Variants in EXT1 observed in about 807,000 individuals in gnomAD.
EXT1 encodes exostosin glycosyltransferase 1, also known as exostosin-1.
Under a neutral mutation model 82.5 loss-of-function variants are expected in EXT1, and 20 were observed. The observed-to-expected ratio is 0.24, with a 90% CI of 0.17 to 0.35. The LOEUF is 0.35. EXT1 is among the 10% of genes least tolerant of loss of function. The probability of loss-of-function intolerance (pLI) is 1.00; values close to 1 mark genes in which losing one functional copy is unlikely to be tolerated. For synonymous variants in EXT1, 348 were observed against 350.8 expected (o/e 0.99, Z 0.09); for missense variants, 757 against 936.5 (o/e 0.81, Z 2.50).
chr8:117,830,278 C>G lies in EXT1; in HGVS notation c.1236G>C (p.Trp412Cys). ...TCTCAACTGAAGAAAAATAAGCCTC[C>G]CACAAGAATTGTGTCTGCTGTCTAA... ...LALRQQTQFLWEAYFSSVEKI... is the reference protein window; with the variant it reads ...LALRQQTQFLCEAYFSSVEKI... The change falls in exon 4 of 11, where the codon TGG becomes TGC. Residue 412 changes from tryptophan to cysteine, a missense_variant. By Grantham distance (215) the Trp-to-Cys change is radical. This residue lies in a region of EXT1 where 207 missense variants were observed against 224.2 expected (regional missense o/e 0.92). Coordinates refer to ENST00000378204, the MANE Select transcript of EXT1 (RefSeq NM_000127.3). 6.2e-7 allele frequency: 1 copy of G among 1,614,038 alleles called. No individual in the cohort carries two copies. The highest frequency in any genetic ancestry group is 8.5e-7 in the Non-Finnish European group (1 of 1,179,980).
At position 117,835,578 on chromosome 8, in the gene EXT1, T is replaced by C. The variant is rs1267298151; in HGVS notation, c.1057-27A>G. The C allele has an allele frequency of 1.9e-6, 3 of 1,549,174 alleles. No homozygotes were observed. The African/African-American group carries it at 4.1e-5, about 21-fold the overall frequency. ...TGAGCAAAAAAGGGGACTTCGTGAA[T>C]GTGAGGAAAGCGACAGCAGAAGCTG... On this transcript the variant is annotated intron_variant, in intron 2 of 10. Coordinates refer to ENST00000378204, the MANE Select transcript of EXT1 (RefSeq NM_000127.3).
chr8:118,088,428 A>T (rs1817466244), intron 1 of EXT1, among the ~76,000 whole-genome samples: 1 of 151,884 alleles, frequency 6.6e-6, no homozygotes, highest in Admixed American at 6.6e-5. Context: ...GTTCAGACTT[A>T]ATCTGCAGCC....
intron 1 of EXT1, among the ~76,000 whole-genome samples, chr8:117,911,750 C>T (rs1813652159): frequency 6.6e-6 from 1 of 152,242 alleles, no homozygotes; most frequent in Admixed American, 6.5e-5. Flanking sequence ...CCTCATCTTT[C>T]ACTTTGAACT....
intron 1 of EXT1, among the ~76,000 whole-genome samples, chr8:117,931,005 G>C (rs1000488247): frequency 6.6e-6 from 1 of 152,174 alleles, no homozygotes; most frequent in African/African-American, 2.4e-5. Flanking sequence ...ATGCCAAGAC[G>C]TTATCTTATA....
chr8:118,018,399 CA>C (rs974757631), intron 1 of EXT1, among the ~76,000 whole-genome samples: 3 of 152,074 alleles, frequency 2.0e-5, no homozygotes, highest in Non-Finnish European at 4.4e-5. Context: ...CCAGAAACAC[CA>C]AAGATTGCCA....
intron 1 of EXT1, among the ~76,000 whole-genome samples, chr8:117,964,980 G>C (rs1290461870): frequency 6.6e-6 from 1 of 152,086 alleles, no homozygotes; most frequent in Non-Finnish European, 1.5e-5. Flanking sequence ...CAGGTGCCTA[G>C]AAGGATGTCT....
intron 1 of EXT1, among the ~76,000 whole-genome samples, chr8:117,859,458 G>A: frequency 6.6e-6 from 1 of 152,202 alleles, no homozygotes; most frequent in East Asian, 1.9e-4. Context: ...TGGAAAGTGT[G>A]GTATGGGTAT....
At chr8:117,830,104 T>C (rs1812073484) in intron 4 of EXT1, 126 bp downstream of exon 4, 1 of 1,219,182 alleles carries the variant, frequency 8.2e-7, no homozygotes, top group Admixed American at 1.8e-5. Context: ...AACCAATATA[T>C]CCAAGTACAG....
intron 9 of EXT1, among the ~76,000 whole-genome samples, chr8:117,805,261 G>C (rs2129695402): frequency 6.6e-6 from 1 of 152,214 alleles, no homozygotes; most frequent in South Asian, 2.1e-4. Context: ...TAAATAATTA[G>C]ATGGCAAGAT....
intron 4 of EXT1, among the ~76,000 whole-genome samples, chr8:117,824,010 C>T (rs547547668): frequency 9.2e-5 from 14 of 152,306 alleles, no homozygotes; most frequent in Admixed American, 2.6e-4. Flanking sequence ...AGCAATTTCA[C>T]TTTGTACAAC....
At chr8:117,990,946 T>C (rs1001812452) in intron 1 of EXT1, among the ~76,000 whole-genome samples, 3 of 152,164 alleles carry the variant, frequency 2.0e-5, no homozygotes, top group African/African-American at 7.2e-5. Context: ...AGCCAGGTAC[T>C]AGACTTGCAC....
intron 1 of EXT1, among the ~76,000 whole-genome samples, chr8:117,900,806 G>A (rs545942922): frequency 1.9e-4 from 29 of 152,298 alleles, no homozygotes; most frequent in African/African-American, 7.0e-4. Context: ...GGTAAAAAAA[G>A]GCTGAAGAAA....
chr8:118,033,259 T>C (rs1046748080), intron 1 of EXT1, among the ~76,000 whole-genome samples: 5 of 152,214 alleles, frequency 3.3e-5, no homozygotes, highest in Non-Finnish European at 7.3e-5. Context: ...TTGTCCAACA[T>C]GCAGAAGTCT....
At chr8:117,893,897 G>A (rs1292465331) in intron 1 of EXT1, among the ~76,000 whole-genome samples, 1 of 152,118 alleles carries the variant, frequency 6.6e-6, no homozygotes, top group Non-Finnish European at 1.5e-5. Flanking sequence ...TCCCCACGCT[G>A]GTTATCTCAC....
intron 1 of EXT1, among the ~76,000 whole-genome samples, chr8:117,988,501 T>C (rs548642168): frequency 6.6e-6 from 1 of 152,258 alleles, no homozygotes; most frequent in Non-Finnish European, 1.5e-5. Flanking sequence ...GACCACACTT[T>C]GAGAACCACT....
chr8:118,037,105 A>G (rs192285588), intron 1 of EXT1, among the ~76,000 whole-genome samples: 1 of 152,262 alleles, frequency 6.6e-6, no homozygotes, highest in East Asian at 1.9e-4. Flanking sequence ...TTCAATTCCT[A>G]TGTCCATGTT....
chr8:117,955,218 T>A (rs759755700), intron 1 of EXT1, among the ~76,000 whole-genome samples: 71 of 152,188 alleles, frequency 4.7e-4, no homozygotes, highest in Admixed American at 1.7e-3. Context: ...GTGGATATGG[T>A]TATCAACCTG....
chr8:118,044,204 T>C (rs1333498688), intron 1 of EXT1, among the ~76,000 whole-genome samples: 1 of 152,180 alleles, frequency 6.6e-6, no homozygotes, highest in Non-Finnish European at 1.5e-5. Flanking sequence ...TGTGATCTCT[T>C]TCAGTGTCAA....
At chr8:118,083,315 A>C (rs1165044387) in intron 1 of EXT1, among the ~76,000 whole-genome samples, 2 of 152,206 alleles carry the variant, frequency 1.3e-5, no homozygotes, top group Non-Finnish European at 2.9e-5. Context: ...TCCACAATTA[A>C]AGAACATTTA....
Sources: gnomAD v4.1 joint callset for allele counts (sites outside exome capture counted in the v4.1 genomes callset) on GRCh38, gnomAD v4.1.1 for gene constraint, gnomAD v4.1.1 regional missense constraint, MANE v1.5 for transcripts, NCBI Gene and HGNC (gene_info 2026-07-23, HGNC 2026-07-21) for gene names.